The following RIT2 variants were observed in gnomAD, a reference collection of about 807,000 sequenced individuals.
RIT2 encodes the protein GTP-binding protein Rit2.
RIT2 carries 24 observed loss-of-function variants against 23.7 expected under a neutral mutation model. That is an observed-to-expected ratio of 1.01 (90% CI 0.73 to 1.43). RIT2 has a LOEUF of 1.43. Among genes scored for constraint, RIT2 ranks in the 40% most tolerant of loss-of-function variants. RIT2 has a pLI of 0.00. For synonymous variants in RIT2, 107 were observed against 91.1 expected (o/e 1.17, Z -0.99); for missense variants, 236 against 266.9 (o/e 0.88, Z 0.81).
intron 1 of RIT2, among the ~76,000 whole-genome samples, chr18:43,058,977 C>T (rs1484007692): frequency 6.6e-6 from 1 of 150,392 alleles, no homozygotes; most frequent in African/African-American, 2.4e-5. Flanking sequence ...TCCTCAGGAC[C>T]CTCTTGCTTC....
At position 42,824,216 on chromosome 18, in the gene RIT2, C is replaced by T. The variant is rs907957677; in HGVS notation, c.427-80496G>A. On this transcript the variant is annotated intron_variant, in intron 4 of 4. Coordinates refer to ENST00000326695, the MANE Select transcript of RIT2 (RefSeq NM_002930.4). ...TATTTTTAACCTTGAATGTTATACACTGAAAGAAGTGAATGTTGAGTTGAT... is the reference window on the plus strand; with the variant it reads ...TATTTTTAACCTTGAATGTTATACATTGAAAGAAGTGAATGTTGAGTTGAT... Among the ~76,000 whole-genome samples, 13 of 152,168 alleles carry T rather than the reference C, an allele frequency of 8.5e-5. No individual in the cohort carries two copies. The East Asian group carries it at 2.5e-3, about 29-fold the overall frequency.
At chr18:42,762,457 G>A (rs1039971711) in intron 4 of RIT2, among the ~76,000 whole-genome samples, 4 of 152,140 alleles carry the variant, frequency 2.6e-5, no homozygotes, top group African/African-American at 4.8e-5. Context: ...ATGAAATTTC[G>A]GTTGCAAGAT....
At chr18:42,819,403 A>G (rs904228584) in intron 4 of RIT2, among the ~76,000 whole-genome samples, 1 of 152,046 alleles carries the variant, frequency 6.6e-6, no homozygotes, top group Non-Finnish European at 1.5e-5. Context: ...TAAACTGTTC[A>G]TTTCCAAAGA....
intron 3 of RIT2, among the ~76,000 whole-genome samples, chr18:42,951,157 T>C (rs556056614): frequency 2.0e-5 from 3 of 152,144 alleles, no homozygotes; most frequent in African/African-American, 7.2e-5. Flanking sequence ...CAAAAAGTCA[T>C]GGAATCAACC....
chr18:42,790,519 T>G (rs565859181), intron 4 of RIT2, among the ~76,000 whole-genome samples: 1 of 152,350 alleles, frequency 6.6e-6, no homozygotes, highest in East Asian at 1.9e-4. Context: ...CTCGGCTCAC[T>G]GCAAGCTCCG....
chr18:43,054,848 G>A (rs987576833), intron 1 of RIT2, among the ~76,000 whole-genome samples: 1 of 152,042 alleles, frequency 6.6e-6, no homozygotes. Context: ...ATTCATAAAA[G>A]TTTGTTTGTG....
At chr18:42,932,003 T>G (rs1276955756) in intron 3 of RIT2, among the ~76,000 whole-genome samples, 1 of 152,192 alleles carries the variant, frequency 6.6e-6, no homozygotes, top group South Asian at 2.1e-4. Flanking sequence ...TTCTAAATAC[T>G]GAATACAAAA....
At chr18:42,875,138 C>T (rs545951917) in intron 4 of RIT2, among the ~76,000 whole-genome samples, 1 of 152,160 alleles carries the variant, frequency 6.6e-6, no homozygotes, top group African/African-American at 2.4e-5. Flanking sequence ...TTCCCCACTT[C>T]CTGCCATTCA....
At chr18:42,873,413 G>T (rs1203524253) in intron 4 of RIT2, among the ~76,000 whole-genome samples, 1 of 152,024 alleles carries the variant, frequency 6.6e-6, no homozygotes, top group Non-Finnish European at 1.5e-5. Context: ...TCACATAAAA[G>T]ATTATATTTA....
chr18:42,933,134 A>G (rs1909367837), intron 3 of RIT2, among the ~76,000 whole-genome samples: 1 of 152,128 alleles, frequency 6.6e-6, no homozygotes, highest in Admixed American at 6.6e-5. Context: ...GAACAAATAA[A>G]TGCCATTTAG....
chr18:42,845,119 A>G (rs1212120370), intron 4 of RIT2, among the ~76,000 whole-genome samples: 2 of 152,138 alleles, frequency 1.3e-5, no homozygotes, highest in South Asian at 2.1e-4. Context: ...CAGCAAAAAA[A>G]AAATCTTGAT....
rs562199161 is a variant in RIT2, at chr18:42,971,162, A to G, written c.234+2912T>C. 3.3e-5 allele frequency among the ~76,000 whole-genome samples: 5 copies of G among 152,150 alleles called. No individual in the cohort carries two copies. The South Asian group carries it at 1.0e-3, about 32-fold the overall frequency. On this transcript the variant is annotated intron_variant, in intron 3 of 4. Transcript: ENST00000326695. ...ACATACATTGAAAATTAATAGTACC[A>G]AAAGACAACAAGGTGATATTATTAA... is the stretch of plus-strand genomic sequence containing the variant.
chr18:42,951,198 GA>G (rs1909844022), intron 3 of RIT2, among the ~76,000 whole-genome samples: 1 of 152,036 alleles, frequency 6.6e-6, no homozygotes, highest in South Asian at 2.1e-4. Context: ...AATGAATAAA[GA>G]AAATGTAGAA....
At chr18:42,961,748 C>A (rs1449161130) in intron 3 of RIT2, among the ~76,000 whole-genome samples, 1 of 152,140 alleles carries the variant, frequency 6.6e-6, no homozygotes, top group African/African-American at 2.4e-5. Context: ...ATGGTCTCAC[C>A]AGAGCCATAT....
intron 4 of RIT2, among the ~76,000 whole-genome samples, chr18:42,912,873 A>G (rs1181541838): frequency 2.6e-5 from 4 of 151,998 alleles, no homozygotes; most frequent in Admixed American, 2.6e-4. Flanking sequence ...AATTTCTTTC[A>G]AAATGTCATC....
chr18:42,911,524 A>C (rs1431016407), intron 4 of RIT2, among the ~76,000 whole-genome samples: 2 of 152,100 alleles, frequency 1.3e-5, no homozygotes, highest in Non-Finnish European at 2.9e-5. Context: ...AAGATAGTGA[A>C]TATGTTAATT....
intron 4 of RIT2, among the ~76,000 whole-genome samples, chr18:42,811,301 AT>A (rs931626890): frequency 2.6e-5 from 4 of 152,078 alleles, no homozygotes; most frequent in South Asian, 2.1e-4. Context: ...CAATAATAAC[AT>A]TTTTTTATGT....
At chr18:42,958,444 A>G (rs1910022980) in intron 3 of RIT2, among the ~76,000 whole-genome samples, 1 of 152,100 alleles carries the variant, frequency 6.6e-6, no homozygotes, top group South Asian at 2.1e-4. Flanking sequence ...ATTAGTATAG[A>G]AGCTTCAGGC....
At chr18:42,906,018 ATATG>A in intron 4 of RIT2, among the ~76,000 whole-genome samples, 3 of 10,250 alleles carry the variant, frequency 2.9e-4, no homozygotes, top group African/African-American at 1.4e-3. Flanking sequence ...ATATATATAT[ATATG>A]TATATATATA....
Sources: gnomAD v4.1 joint callset for allele counts (sites outside exome capture counted in the v4.1 genomes callset) on GRCh38, gnomAD v4.1.1 for gene constraint, MANE v1.5 for transcripts, NCBI Gene and HGNC (gene_info 2026-07-23, HGNC 2026-07-21) for gene names.